CGNL1: variants seen among roughly 807,000 people sequenced by gnomAD.
CGNL1 encodes the protein cingulin-like protein 1.
CGNL1 carries 132 observed loss-of-function variants against 141.2 expected under a neutral mutation model. That is an observed-to-expected ratio of 0.93 (90% CI 0.81 to 1.08). CGNL1 has a LOEUF of 1.08. CGNL1 is among the 50% of genes least tolerant of loss of function. The pLI is 0.00. For missense variants in CGNL1, 1,870 were observed against 1,588.6 expected (o/e 1.18, Z -3.01); for synonymous variants, 690 against 622.1 (o/e 1.11, Z -1.63).
rs368849024 is a variant in CGNL1 at position 57,451,600 on chromosome 15, A to C, written c.1904A>C (p.Lys635Thr). 7 of 1,599,214 alleles carry C rather than the reference A, an allele frequency of 4.4e-6. No individual in the cohort carries two copies. Among genetic ancestry groups the C allele is most frequent in the Non-Finnish European group, 5.1e-6 (6 of 1,169,122 alleles). Reference sequence around the variant, plus strand: ...CAGAGACAGCTTCAACTGGAAGTCAAGGTATCTGGTTTTTCCTTTATGTTA... The same window carrying C: ...CAGAGACAGCTTCAACTGGAAGTCACGGTATCTGGTTTTTCCTTTATGTTA... ...ELQRQLQLEV[K>T]NQQNIKEERE... Residue 635 changes from lysine (K) to threonine (T), a missense_variant and splice_region_variant, in exon 5 of 19, where the codon AAG becomes ACG. By Grantham distance (78) the Lys-to-Thr change is moderately conservative (BLOSUM62 -1). Transcript: ENST00000281282.
At chr15:57,477,924 T>G (rs1191049435) in intron 8 of CGNL1, among the ~76,000 whole-genome samples, 1 of 152,196 alleles carries the variant, frequency 6.6e-6, no homozygotes, top group Non-Finnish European at 1.5e-5. Flanking sequence ...CTCTGGCTGA[T>G]TCAGGCCCAG....
intron 1 of CGNL1, among the ~76,000 whole-genome samples, chr15:57,429,989 T>C (rs763891560): frequency 9.2e-5 from 14 of 152,298 alleles, no homozygotes; most frequent in Middle Eastern, 3.4e-3. Flanking sequence ...TTTTGTATTT[T>C]TCATAGAGAT....
chr15:57,541,000 G>A (rs773924306), intron 14 of CGNL1, among the ~76,000 whole-genome samples: 7 of 152,208 alleles, frequency 4.6e-5, no homozygotes, highest in Non-Finnish European at 1.0e-4. Flanking sequence ...GGAGGCAGGC[G>A]CCTCTGGCTT....
At chr15:57,475,973 C>T (rs577276849) in intron 8 of CGNL1, among the ~76,000 whole-genome samples, 22 of 152,246 alleles carry the variant, frequency 1.4e-4, no homozygotes, top group African/African-American at 2.9e-4. Context: ...TTTTGTCCCT[C>T]GGGTGGCATT....
At chr15:57,494,307 A>G (rs2063906697) in intron 8 of CGNL1, among the ~76,000 whole-genome samples, 1 of 152,182 alleles carries the variant, frequency 6.6e-6, no homozygotes, top group African/African-American at 2.4e-5. Context: ...ATGGAGGCCA[A>G]GAAGCTTTGT....
At chr15:57,460,972 A>T (rs149784825) in intron 7 of CGNL1, among the ~76,000 whole-genome samples, 11 of 152,058 alleles carry the variant, frequency 7.2e-5, no homozygotes, top group African/African-American at 2.7e-4. Context: ...TGGCTGAGGG[A>T]AGAGCAAAGG....
intron 8 of CGNL1, among the ~76,000 whole-genome samples, chr15:57,512,785 C>T (rs1407929838): frequency 6.6e-6 from 1 of 152,150 alleles, no homozygotes; most frequent in Non-Finnish European, 1.5e-5. Flanking sequence ...GCTGACCACA[C>T]ATCTAAGTGT....
chr15:57,530,523 C>T (rs1173739429), intron 13 of CGNL1, among the ~76,000 whole-genome samples: 8 of 152,304 alleles, frequency 5.3e-5, no homozygotes, highest in Admixed American at 3.9e-4. Flanking sequence ...CGGACATTTT[C>T]TGTAAACTCA....
intron 13 of CGNL1, among the ~76,000 whole-genome samples, chr15:57,529,674 A>T (rs1295959789): frequency 2.6e-5 from 4 of 152,154 alleles, no homozygotes; most frequent in African/African-American, 9.6e-5. Context: ...GACACTAAAA[A>T]ATAGTCTCAG....
At chr15:57,423,648 C>A (rs1436937203) in intron 1 of CGNL1, among the ~76,000 whole-genome samples, 1 of 152,048 alleles carries the variant, frequency 6.6e-6, no homozygotes, top group Non-Finnish European at 1.5e-5. Flanking sequence ...CTTACCTGAC[C>A]CCTCCTTCCT....
chr15:57,522,693 G>A (rs2031346356), intron 10 of CGNL1, among the ~76,000 whole-genome samples: 1 of 152,194 alleles, frequency 6.6e-6, no homozygotes, highest in Non-Finnish European at 1.5e-5. Flanking sequence ...TTCTGGAGTT[G>A]CATGTTGTTT....
intron 13 of CGNL1, among the ~76,000 whole-genome samples, chr15:57,529,594 ACACACACACACACACG>A (rs1192702471): frequency 4.6e-5 from 7 of 151,000 alleles, no homozygotes; most frequent in African/African-American, 1.7e-4. Context: ...ACACACACAC[ACACACACACACACACG>A]CCCCAGTAGA....
At chr15:57,494,876 C>T (rs2063915349) in intron 8 of CGNL1, among the ~76,000 whole-genome samples, 1 of 152,146 alleles carries the variant, frequency 6.6e-6, no homozygotes, top group Admixed American at 6.5e-5. Flanking sequence ...TCTCCATGTG[C>T]TTCATGTATA....
chr15:57,541,418 G>A (rs565494046), intron 14 of CGNL1, among the ~76,000 whole-genome samples: 6 of 152,224 alleles, frequency 3.9e-5, no homozygotes, highest in East Asian at 1.9e-4. Context: ...GAGCAGGGCC[G>A]TGAGCCTGCA....
At chr15:57,473,455 A>G (rs1384922330) in intron 8 of CGNL1, among the ~76,000 whole-genome samples, 2 of 152,234 alleles carry the variant, frequency 1.3e-5, no homozygotes, top group Non-Finnish European at 2.9e-5. Context: ...ATCAGAGTGC[A>G]TAAGGCATTT....
At chr15:57,421,014 A>G (rs1314054074) in intron 1 of CGNL1, among the ~76,000 whole-genome samples, 2 of 152,184 alleles carry the variant, frequency 1.3e-5, no homozygotes, top group Non-Finnish European at 2.9e-5. Flanking sequence ...GTATTTGAAG[A>G]TGGGATCTTT....
At chr15:57,485,902 T>G (rs750807512) in intron 8 of CGNL1, among the ~76,000 whole-genome samples, 2 of 152,194 alleles carry the variant, frequency 1.3e-5, no homozygotes, top group Non-Finnish European at 2.9e-5. Flanking sequence ...TGCCATTTCT[T>G]TCTTCTGGTG....
intron 1 of CGNL1, among the ~76,000 whole-genome samples, chr15:57,417,644 T>C (rs557909117): frequency 6.6e-6 from 1 of 150,824 alleles, no homozygotes; most frequent in South Asian, 2.1e-4. Context: ...TTCAGATTGC[T>C]GGGGAAAAGG....
rs560327330 is a variant in CGNL1, at chr15:57,519,913, C to G, written c.2715+1416C>G. 9.8e-5 allele frequency among the ~76,000 whole-genome samples: 15 copies of G among 152,344 alleles called. No individual in the cohort carries two copies. The South Asian group carries it at 3.1e-3, about 32-fold the overall frequency. ...ACTTTTCACACATACGGAAGTGGTT[C>G]CCCTGCTGGGTATCTGCGCTCATAG... On this transcript the variant is annotated intron_variant, in intron 10 of 18. Transcript: ENST00000281282.
Sources: gnomAD v4.1 joint callset for allele counts (sites outside exome capture counted in the v4.1 genomes callset) on GRCh38, gnomAD v4.1.1 for gene constraint, MANE v1.5 for transcripts, NCBI Gene and HGNC (gene_info 2026-07-23, HGNC 2026-07-21) for gene names.